The following ADGB variants were observed in gnomAD, a reference collection of about 807,000 sequenced individuals.
ADGB encodes the protein androglobin, also known as calpain-7-like protein.
Under a neutral mutation model 210.5 loss-of-function variants are expected in ADGB, and 172 were observed. The observed-to-expected ratio is 0.82, with a 90% CI of 0.72 to 0.93. The LOEUF (loss-of-function observed/expected upper bound fraction) is 0.93, where lower values mean the gene tolerates loss of function less well. Ranked by LOEUF, ADGB falls within the 40% of genes least tolerant of loss-of-function variation. The probability of loss-of-function intolerance (pLI) is 0.00; values close to 1 mark genes in which losing one functional copy is unlikely to be tolerated. For synonymous variants in ADGB, 658 were observed against 662.7 expected, an observed-to-expected ratio of 0.99 and a Z score of 0.11; for missense variants, 2,025 against 1,964.8, an observed-to-expected ratio of 1.03 and a Z score of -0.58.
At chr6:146,709,359 C>G (rs1392773475) in intron 13 of ADGB, among the ~76,000 whole-genome samples, 1 of 152,148 alleles carries the variant, frequency 6.6e-6, no homozygotes, top group African/African-American at 2.4e-5. Context: ...TGCAGACTGG[C>G]CTTGTCTGGG....
chr6:146,697,068 A>G (rs1351172785), intron 12 of ADGB, among the ~76,000 whole-genome samples: 1 of 152,182 alleles, frequency 6.6e-6, no homozygotes, highest in African/African-American at 2.4e-5. Flanking sequence ...GAAAAAAAAG[A>G]CTAACTAAAT....
At chr6:146,798,961 C>T (rs1050549800) in intron 33 of ADGB, among the ~76,000 whole-genome samples, 7 of 147,244 alleles carry the variant, frequency 4.8e-5, no homozygotes, top group African/African-American at 1.8e-4. Context: ...AGTAATACCC[C>T]TCAAATTGAT....
chr6:146,807,394 T>C (rs1778228398), intron 35 of ADGB: 1 of 1,548,408 alleles, frequency 6.5e-7, no homozygotes, highest in African/African-American at 1.4e-5. Context: ...GGTTTTGCTT[T>C]GGAACAGGAC....
intron 1 of ADGB, among the ~76,000 whole-genome samples, chr6:146,611,426 A>G (rs1780709299): frequency 6.6e-6 from 1 of 152,060 alleles, no homozygotes; most frequent in Non-Finnish European, 1.5e-5. Flanking sequence ...CGCTCCTGAC[A>G]GGCTGAAGTC....
At chr6:146,807,399 C>G (rs757075180) in intron 35 of ADGB, 64 of 1,550,406 alleles carry the variant, frequency 4.1e-5, no homozygotes, top group Admixed American at 1.4e-4. Context: ...TGCTTTGGAA[C>G]AGGACTCCTT....
Position 146,782,095 on chromosome 6 carries a change from C to G in ADGB, c.3938C>G (p.Ser1313Cys), listed in dbSNP as rs1031275330. 7.1e-6 allele frequency: 11 copies of G among 1,548,136 alleles called. No individual in the cohort carries two copies. In the African/African-American group the frequency reaches 1.5e-4, roughly 21 times the overall value. Residue 1313 changes from serine to cysteine, a missense_variant, in exon 30 of 36, where the codon TCT becomes TGT. Physicochemically the swap from Ser to Cys is moderately radical, Grantham distance 112. Transcript: ENST00000397944. Reference sequence around the variant, plus strand: ...CACACTATTAGTGAGGGACAAAAATCTTCAGTAACTTCCAAAACAACAAGG... The same window carrying G: ...CACACTATTAGTGAGGGACAAAAATGTTCAGTAACTTCCAAAACAACAAGG... ...DSHTISEGQK[S>C]SVTSKTTRKG...
chr6:146,648,537 A>G (rs2114876089), intron 3 of ADGB, among the ~76,000 whole-genome samples: 1 of 152,232 alleles, frequency 6.6e-6, no homozygotes, highest in Non-Finnish European at 1.5e-5. Context: ...ACATGGTGAC[A>G]GGAGAGAGGG....
chr6:146,683,658 C>A (rs1216580234), intron 9 of ADGB, among the ~76,000 whole-genome samples: 3 of 151,970 alleles, frequency 2.0e-5, no homozygotes, highest in African/African-American at 7.2e-5. Flanking sequence ...ATTCTTTACT[C>A]CAAGTTTCTA....
chr6:146,695,062 G>T (rs1776384783), intron 12 of ADGB, among the ~76,000 whole-genome samples: 1 of 152,096 alleles, frequency 6.6e-6, no homozygotes. Flanking sequence ...CTTCCTGGAT[G>T]AATCATACTT....
At chr6:146,746,404 T>G (rs1343028989) in intron 26 of ADGB, among the ~76,000 whole-genome samples, 2 of 152,174 alleles carry the variant, frequency 1.3e-5, no homozygotes, top group Non-Finnish European at 2.9e-5. Context: ...CTGCTCCATC[T>G]CTGGCTAGTA....
chr6:146,636,862 T>G (rs1323551723), intron 2 of ADGB, among the ~76,000 whole-genome samples: 1 of 151,986 alleles, frequency 6.6e-6, no homozygotes, highest in Non-Finnish European at 1.5e-5. Flanking sequence ...CATCCAAATA[T>G]AACAAGTATC....
intron 18 of ADGB, 29 bp from the exon 19 acceptor site, chr6:146,726,054 G>A (rs768700213): frequency 3.8e-5 from 55 of 1,430,346 alleles, no homozygotes; most frequent in South Asian, 3.6e-4. Flanking sequence ...GGAAGCACTC[G>A]GTTATCATCC....
rs940735415 is a variant in ADGB, at chr6:146,702,808, C to A, written c.1707+1738C>A. Among the ~76,000 whole-genome samples, 9 of 151,760 alleles carry A rather than the reference C, an allele frequency of 5.9e-5. No individual in the cohort carries two copies. In the East Asian group the frequency reaches 1.7e-3, roughly 29 times the overall value. On this transcript the variant is annotated intron_variant, in intron 13 of 35. Transcript: ENST00000397944. ...TAATCTTTTGCTATTATAAATACTACTGCTATGAATGAATTTGTACATGTA... is the reference window on the plus strand; with the variant it reads ...TAATCTTTTGCTATTATAAATACTAATGCTATGAATGAATTTGTACATGTA...
intron 33 of ADGB, among the ~76,000 whole-genome samples, chr6:146,800,499 T>A (rs546273258): frequency 6.6e-6 from 1 of 151,762 alleles, no homozygotes; most frequent in South Asian, 2.1e-4. Flanking sequence ...TTAAAATGGT[T>A]GAATTTTATA....
intron 1 of ADGB, among the ~76,000 whole-genome samples, chr6:146,602,010 T>G (rs1780563077): frequency 1.3e-5 from 2 of 152,232 alleles, no homozygotes; most frequent in Non-Finnish European, 2.9e-5. Context: ...GGTAGAATCA[T>G]CTATGTTCAT....
intron 27 of ADGB, among the ~76,000 whole-genome samples, chr6:146,755,007 TCTCTAA>T (rs1448474544): frequency 2.0e-5 from 3 of 152,114 alleles, no homozygotes; most frequent in Admixed American, 2.0e-4. Context: ...TGTGATAACA[TCTCTAA>T]CTCTAATATG....
chr6:146,708,103 G>C (rs1776602561), intron 13 of ADGB, among the ~76,000 whole-genome samples: 1 of 151,896 alleles, frequency 6.6e-6, no homozygotes, highest in African/African-American at 2.4e-5. Context: ...CTTTTACTCT[G>C]TCTCTCTTAT....
intron 5 of ADGB, among the ~76,000 whole-genome samples, chr6:146,663,163 TTTA>T (rs1775888779): frequency 7.1e-6 from 1 of 141,042 alleles, no homozygotes; most frequent in Non-Finnish European, 1.5e-5. Context: ...ATAATATATA[TTTA>T]TTATATATTA....
chr6:146,731,358 A>C (rs1179914279), intron 20 of ADGB, among the ~76,000 whole-genome samples: 1 of 33,962 alleles, frequency 2.9e-5, no homozygotes, highest in Non-Finnish European at 6.2e-5. Flanking sequence ...ACCATATGAC[A>C]AAAAAAAAAA....
Sources: gnomAD v4.1 joint callset for allele counts (sites outside exome capture counted in the v4.1 genomes callset) on GRCh38, gnomAD v4.1.1 for gene constraint, MANE v1.5 for transcripts, NCBI Gene and HGNC (gene_info 2026-07-23, HGNC 2026-07-21) for gene names.